CYP24A1: variants seen among roughly 807,000 people sequenced by gnomAD.
CYP24A1 encodes the protein cytochrome P450 family 24 subfamily A member 1, also known as 1,25-dihydroxyvitamin D(3) 24-hydroxylase, mitochondrial.
In CYP24A1, 68 loss-of-function variants were observed where a neutral mutation model predicts 62.4. The ratio of observed to expected loss-of-function variants is 1.09; its 90% CI spans 0.90 to 1.33. The LOEUF (loss-of-function observed/expected upper bound fraction) is 1.33. Among genes scored for constraint, CYP24A1 ranks in the 40% most tolerant of loss-of-function variants. CYP24A1 has a pLI of 0.00. For synonymous variants in CYP24A1, 267 were observed against 253.0 expected (o/e 1.06, Z -0.52); for missense variants, 787 against 653.0 (o/e 1.21, Z -2.24).
intron 2 of CYP24A1, chr20:54,172,032 A>C (rs2092695877): frequency 2.9e-6 from 1 of 346,220 alleles, no homozygotes; most frequent in Admixed American, 4.1e-5. Context: ...ATCACCAGCA[A>C]CTCAGATCTG....
At position 54,165,869 on chromosome 20, in the gene CYP24A1, G is replaced by A. The variant is rs368249213; in HGVS notation, c.641-36C>T. ...AAATAATCATCACTTTACACAAACA[G>A]CAATGCTGGAGTTGGAGTCTATGTT... On this transcript the variant is annotated intron_variant, in intron 4 of 11. Coordinates refer to ENST00000216862, the MANE Select transcript of CYP24A1 (RefSeq NM_000782.5). 5.7e-5 allele frequency: 55 copies of A among 963,394 alleles called. No individual in the cohort carries two copies. In the African/African-American group the frequency reaches 8.6e-4, roughly 15 times the overall value. 59.7% of individuals were successfully genotyped at this position (963,394 alleles called of 1,614,324 possible). A position where few individuals can be genotyped will look rare whatever the true frequency, so the allele number is the denominator to read the frequency against.
intron 4 of CYP24A1, 123 bp downstream of exon 4, chr20:54,169,469 G>A (rs183951880): frequency 1.3e-6 from 2 of 1,552,710 alleles, no homozygotes; most frequent in Non-Finnish European, 1.7e-6. Flanking sequence ...GCATTAAAAG[G>A]GCTGCTCTGG....
At position 54,172,927 on chromosome 20, in the gene CYP24A1, CCTT is replaced by C. The variant is rs777676129; in HGVS notation, c.428_430del (p.Glu143del). 5.3e-4 allele frequency: 849 copies of C among 1,613,766 alleles called. 1 individual carries two copies. Among genetic ancestry groups the C allele is most frequent in the Middle Eastern group, 1.8e-3 (11 of 6,084 alleles). On this transcript the variant is annotated inframe_deletion, in exon 2 of 12. Transcript: ENST00000216862. ...GACTCACAGGATCAGCAGCCCGTAGCCTTCTTTGCGGTAGTCGCGATAGGCCTT... is the reference window on the plus strand; with the variant it reads ...GACTCACAGGATCAGCAGCCCGTAGCCTTTGCGGTAGTCGCGATAGGCCTT...
rs1188701373 is a variant in CYP24A1 at position 54,153,694 on chromosome 20, G to A, written c.*1078C>T. 1 of 152,564 alleles carries A rather than the reference G, an allele frequency of 6.6e-6. No individual in the cohort carries two copies. The highest frequency in any genetic ancestry group is 1.5e-5 in the Non-Finnish European group (1 of 68,016). The allele number at this position is 152,564 out of a possible 1,614,324, so 9.5% of individuals were successfully genotyped here. ...TATATACAGTATGCATTTAGGAAAA[G>A]CAGTAGTAAAAATATGCACAAATAA... On this transcript the variant is annotated 3_prime_UTR_variant, in exon 12 of 12. Coordinates refer to ENST00000216862, the MANE Select transcript of CYP24A1 (RefSeq NM_000782.5).
At chr20:54,164,332 T>C in intron 6 of CYP24A1, 120 bp downstream of exon 6, 1 of 1,582,182 alleles carries the variant, frequency 6.3e-7, no homozygotes. Flanking sequence ...AAAACACCTG[T>C]GTTTGCAAAA....
chr20:54,170,358 C>T (rs2585428), intron 3 of CYP24A1, among the ~76,000 whole-genome samples: 68,888 of 151,866 alleles, frequency 0.45, 15,746 homozygotes, highest in African/African-American at 0.49. Flanking sequence ...TAGTAGGTAC[C>T]GTCTCTACTC....
In CYP24A1 at chr20:54,169,695, A is replaced by G. The variant is rs1275009561; in HGVS notation, c.544-7T>C. 6.2e-7 allele frequency: 1 copy of G among 1,614,082 alleles called. No individual in the cohort carries two copies. Among genetic ancestry groups the G allele is most frequent in the East Asian group, 2.2e-5 (1 of 44,886 alleles). ...CCATAAAATCGGCCAAGACCTTCAA[A>G]GAAAACAACCGCAAAAGACACATTT... On this transcript the variant is annotated splice_polypyrimidine_tract_variant and splice_region_variant and intron_variant, in intron 3 of 11. Transcript: ENST00000216862.
chr20:54,172,081 G>A, intron 2 of CYP24A1: 4 of 289,494 alleles, frequency 1.4e-5, no homozygotes, highest in East Asian at 9.0e-5. Context: ...ACTCATTGGT[G>A]TGGGCTTCAT....
chr20:54,146,143 G>C, the CYP24A1 span, among the ~76,000 whole-genome samples: 1 of 152,126 alleles, frequency 6.6e-6, no homozygotes, highest in South Asian at 2.1e-4. Context: ...CACACAGTCA[G>C]CCCTTAATCA....
chr20:54,143,602 G>T, the CYP24A1 span, among the ~76,000 whole-genome samples: 5 of 151,772 alleles, frequency 3.3e-5, no homozygotes, highest in South Asian at 4.2e-4. Flanking sequence ...GGTGGTATTT[G>T]GTTACATGAG....
At position 54,154,221 on chromosome 20, in the gene CYP24A1, A is replaced by G. The variant is rs2092618834; in HGVS notation, c.*551T>C. 1 of 152,260 alleles carries G rather than the reference A, an allele frequency of 6.6e-6. No individual in the cohort carries two copies. The highest frequency in any genetic ancestry group is 2.4e-5 in the African/African-American group (1 of 41,466). The allele number at this position is 152,260 out of a possible 1,614,324, so 9.4% of individuals were successfully genotyped here. On this transcript the variant is annotated 3_prime_UTR_variant, in exon 12 of 12. Transcript: ENST00000216862. ...TAACAAAATAATGCCCCAGTGAATC[A>G]CTAGTCTTATAAGTTGTTTGACTTC... is the stretch of plus-strand genomic sequence containing the variant.
At chr20:54,156,467 G>A (rs969233050) in intron 11 of CYP24A1, among the ~76,000 whole-genome samples, 2 of 152,166 alleles carry the variant, frequency 1.3e-5, no homozygotes, top group South Asian at 2.1e-4. Flanking sequence ...GTTGAGGATC[G>A]CCTTCAGCTG....
rs2092617259 is a variant in CYP24A1 at position 54,153,780 on chromosome 20, C to A, written c.*992G>T. ...ATTGCATGCATTTCTGTGCATTTTA[C>A]ATTTATGAAATCATATTTTTCCTAG... On this transcript the variant is annotated 3_prime_UTR_variant, in exon 12 of 12. Coordinates refer to ENST00000216862, the MANE Select transcript of CYP24A1 (RefSeq NM_000782.5). 6.6e-6 allele frequency: 1 copy of A among 152,576 alleles called. No homozygotes were observed. The allele number at this position is 152,576 out of a possible 1,614,324, so 9.5% of individuals were successfully genotyped here.
Position 54,173,954 on chromosome 20 carries a change from G to A in CYP24A1, c.-375C>T. 3.4e-6 allele frequency: 1 copy of A among 292,412 alleles called. No homozygotes were observed. The highest frequency in any genetic ancestry group is 6.5e-6 in the Non-Finnish European group (1 of 153,864). The allele number at this position is 292,412 out of a possible 1,614,324, so 18.1% of individuals were successfully genotyped here. A position where few individuals can be genotyped will look rare whatever the true frequency, so the allele number is the denominator to read the frequency against. On this transcript the variant is annotated 5_prime_UTR_variant, in exon 1 of 12. Transcript: ENST00000216862. This position sits in a 1 kb window ranked among gnomAD's most constrained non-coding sequence, Gnocchi z 7.2. ...TGTCAAGGAGGGTAGATGAGATGCT[G>A]CTGGCGCTGCGTTTCCTCCTGTCCC...
At position 54,153,634 on chromosome 20, in the gene CYP24A1, A is replaced by T. The variant is rs1350672122; in HGVS notation, c.*1138T>A. 2.6e-5 allele frequency: 4 copies of T among 152,672 alleles called. No individual in the cohort carries two copies. Among genetic ancestry groups the T allele is most frequent in the Admixed American group, 6.5e-5 (1 of 15,286 alleles). 9.5% of individuals were successfully genotyped at this position (152,672 alleles called of 1,614,324 possible). On this transcript the variant is annotated 3_prime_UTR_variant, in exon 12 of 12. Coordinates refer to ENST00000216862, the MANE Select transcript of CYP24A1 (RefSeq NM_000782.5). ...TATTTCTGAAATATTCTAAAAATAT[A>T]ATGTAGGAAGAAATATTTATCAAAT...
rs2146502702 is a variant in CYP24A1, at chr20:54,169,621, T to A, written c.611A>T (p.Tyr204Phe). The A allele has an allele frequency of 1.2e-6, 2 of 1,614,206 alleles. No homozygotes were observed. Among genetic ancestry groups the A allele is most frequent in the Non-Finnish European group, 1.7e-6 (2 of 1,180,030 alleles). Residue 204 changes from tyrosine to phenylalanine, a missense_variant, in exon 4 of 12, where the codon TAC (tyrosine) becomes TTC (phenylalanine). Coordinates refer to ENST00000216862, the MANE Select transcript of CYP24A1 (RefSeq NM_000782.5). ...CDERGHVEDL[Y>F]SELNKWSFES... ...AAACGACCATTTGTTCAGTTCGCTG[T>A]ACAAGTCTTCAACGTGGCCTCTTTC...
At chr20:54,157,094 C>T in intron 11 of CYP24A1, 75 bp downstream of exon 11, 1 of 781,182 alleles carries the variant, frequency 1.3e-6, no homozygotes, top group South Asian at 1.5e-5. Context: ...CCCAGTCTGG[C>T]TGACTTCCCA....
chr20:54,171,184 T>C (rs776201462), intron 3 of CYP24A1, among the ~76,000 whole-genome samples: 1 of 152,240 alleles, frequency 6.6e-6, no homozygotes, highest in African/African-American at 2.4e-5. Context: ...TTATCTCATT[T>C]AATTCTCACA....
Position 54,173,618 on chromosome 20 carries a change from T to TG in CYP24A1, c.-40dup, listed in dbSNP as rs755551917. ...ACCGGAGCGCGGGAAGGCAGGAGGA[T>TG]GGGGTGGGGCGAGGTTGGTACGAGG... On this transcript the variant is annotated 5_prime_UTR_variant, in exon 1 of 12. Transcript: ENST00000216862. The surrounding 1 kb of genome is among the most constrained non-coding windows in gnomAD (Gnocchi z 7.2). The TG allele has an allele frequency of 2.6e-5, 39 of 1,506,254 alleles. No homozygotes were observed. The highest frequency in any genetic ancestry group is 2.2e-4 in the Middle Eastern group (1 of 4,474). The allele number at this position is 1,506,254 out of a possible 1,614,324, so 93.3% of individuals were successfully genotyped here.
Sources: gnomAD v4.1 joint callset for allele counts (sites outside exome capture counted in the v4.1 genomes callset) on GRCh38, gnomAD v4.1.1 for gene constraint, Gnocchi (gnomAD v3.1) non-coding constraint, MANE v1.5 for transcripts, NCBI Gene and HGNC (gene_info 2026-07-23, HGNC 2026-07-21) for gene names.